The following ANOS1 variants were observed in gnomAD, a reference collection of about 807,000 sequenced individuals.
ANOS1 encodes anosmin-1.
Under a neutral mutation model 59.0 loss-of-function variants are expected in ANOS1, and 6 were observed. The ratio of observed to expected loss-of-function variants is 0.10; its 90% CI spans 0.06 to 0.20. The LOEUF (loss-of-function observed/expected upper bound fraction) is 0.20. Ranked by LOEUF, ANOS1 falls within the 10% of genes least tolerant of loss-of-function variation. The probability of loss-of-function intolerance (pLI) is 1.00; values close to 1 mark genes in which losing one functional copy is unlikely to be tolerated. For synonymous variants in ANOS1, 217 were observed against 223.4 expected (o/e 0.97, Z 0.25); for missense variants, 433 against 542.3 (o/e 0.80, Z 2.00).
At chrX:8,668,430 T>TATATACAC (rs1394731479) in intron 2 of ANOS1, among the ~76,000 whole-genome samples, 38 of 80,232 alleles carry the variant, frequency 4.7e-4, no homozygotes, top group African/African-American at 9.4e-4. Context: ...TATATATATA[T>TATATACAC]ACACACACAT....
At position 8,554,085 on chromosome X, in the gene ANOS1, C is replaced by T. The variant is rs1929901549; in HGVS notation, c.1221G>A (p.Val407=). The stretch of plus-strand genomic sequence containing the variant: ...TTTGAATTCCACCTTTTCTAGTTTT[C>T]ACAAGCTGTTCTTCTACAACAAAGT... ...THATNNKEQL[V]KTRKGGIQTQ... is the part of the protein sequence containing the mutation. The change falls in exon 9 of 14, where the codon GTG becomes GTA. Residue 407 remains valine (V), a synonymous_variant. Transcript: ENST00000262648. 2 of 1,202,776 alleles carry T rather than the reference C, an allele frequency of 1.7e-6. No individual in the cohort carries two copies. Among genetic ancestry groups the T allele is most frequent in the Non-Finnish European group, 2.3e-6 (2 of 887,474 alleles).
intron 2 of ANOS1, among the ~76,000 whole-genome samples, chrX:8,686,817 G>T (rs1183349170): frequency 1.8e-5 from 2 of 111,630 alleles, no homozygotes; most frequent in Non-Finnish European, 3.8e-5. Context: ...AGCCGGGTGT[G>T]GTGGCAAGCA....
At chrX:8,711,558 C>G (rs767758186) in intron 1 of ANOS1, among the ~76,000 whole-genome samples, 11 of 112,548 alleles carry the variant, frequency 9.8e-5, no homozygotes, top group Admixed American at 1.9e-4. Context: ...TGAAAACCAC[C>G]TGTGACCATC....
chrX:8,610,509 T>C (rs1318800884), intron 3 of ANOS1, among the ~76,000 whole-genome samples: 1 of 111,970 alleles, frequency 8.9e-6, no homozygotes, highest in African/African-American at 3.2e-5. Context: ...TAAAGCAGGA[T>C]GAAACTGCAT....
chrX:8,600,535 T>C, intron 3 of ANOS1, among the ~76,000 whole-genome samples: 1 of 112,149 alleles, frequency 8.9e-6, no homozygotes, highest in East Asian at 2.8e-4. Flanking sequence ...AGGTAAAACT[T>C]AGAAGGGCCA....
At chrX:8,538,131 C>T (rs770964566) in intron 10 of ANOS1, among the ~76,000 whole-genome samples, 149 of 111,099 alleles carry the variant, frequency 1.3e-3, no homozygotes, top group African/African-American at 4.7e-3. Flanking sequence ...CCAACCCAAG[C>T]CCAACCCAAG....
chrX:8,564,903 C>T, intron 8 of ANOS1, among the ~76,000 whole-genome samples: 1 of 111,296 alleles, frequency 9.0e-6, no homozygotes, highest in Non-Finnish European at 1.9e-5. Flanking sequence ...CAATGTGGCT[C>T]AAAGGAGAGA....
At chrX:8,662,365 C>T (rs1475280088) in intron 2 of ANOS1, among the ~76,000 whole-genome samples, 2 of 111,799 alleles carry the variant, frequency 1.8e-5, no homozygotes, top group East Asian at 2.8e-4. Context: ...CATTTTTCAC[C>T]GGGTTCTGCG....
At chrX:8,678,792 A>T (rs968722175) in intron 2 of ANOS1, among the ~76,000 whole-genome samples, 3 of 112,272 alleles carry the variant, frequency 2.7e-5, no homozygotes, top group Middle Eastern at 4.2e-3. Flanking sequence ...TCAAAGGCAC[A>T]GAAAAGAATA....
chrX:8,594,876 TTCTC>T (rs1170782086), intron 4 of ANOS1, among the ~76,000 whole-genome samples: 1 of 104,059 alleles, frequency 9.6e-6, no homozygotes, highest in South Asian at 4.4e-4. Flanking sequence ...TTCCCATTGA[TTCTC>T]TCTCTCTCCA....
In ANOS1 at chrX:8,671,228, A is replaced by G. The variant is rs200469382; in HGVS notation, c.255+28470T>C. Among the ~76,000 whole-genome samples, 3 of 111,601 alleles carry G rather than the reference A, an allele frequency of 2.7e-5. No homozygotes were observed. The East Asian group carries it at 8.5e-4, about 32-fold the overall frequency. ...TCCTGTCATGATACAGCAGCTTCTTAAACTTCTCTATAGGTACCAAATAAT... is the reference window on the plus strand; with the variant it reads ...TCCTGTCATGATACAGCAGCTTCTTGAACTTCTCTATAGGTACCAAATAAT... On this transcript the variant is annotated intron_variant, in intron 2 of 13. Coordinates refer to ENST00000262648, the MANE Select transcript of ANOS1 (RefSeq NM_000216.4).
Position 8,610,006 on chromosome X carries a change from C to CAAAAAAAAA in ANOS1, c.319-12759_319-12751dup, listed in dbSNP as rs1167209336. Reference sequence around the variant, plus strand: ...TGGGCGACAGAGCAAGACTCCATCTCAAAAAAAAAAAAAAAAAAAAAAAAA... The same window carrying CAAAAAAAAA: ...TGGGCGACAGAGCAAGACTCCATCTCAAAAAAAAAAAAAAAAAAAAAAAAAAAAAAAAAA... On this transcript the variant is annotated intron_variant, in intron 3 of 13. Coordinates refer to ENST00000262648, the MANE Select transcript of ANOS1 (RefSeq NM_000216.4). Among the ~76,000 whole-genome samples the CAAAAAAAAA allele has an allele frequency of 1.6e-3, 15 of 9,157 alleles. 2 individuals carry two copies. Among genetic ancestry groups the CAAAAAAAAA allele is most frequent in the African/African-American group, 3.1e-3 (14 of 4,503 alleles). 8.0% of individuals were successfully genotyped at this position (9,157 alleles called of 115,157 possible).
At chrX:8,671,487 C>T (rs1932253260) in intron 2 of ANOS1, among the ~76,000 whole-genome samples, 1 of 110,636 alleles carries the variant, frequency 9.0e-6, no homozygotes, top group African/African-American at 3.3e-5. Flanking sequence ...TCCATGAAGG[C>T]ACGGTCTATA....
At chrX:8,645,265 G>A (rs1005325202) in intron 2 of ANOS1, among the ~76,000 whole-genome samples, 4 of 112,351 alleles carry the variant, frequency 3.6e-5, no homozygotes, top group African/African-American at 1.3e-4. Flanking sequence ...GGGAGTCCAG[G>A]CATCCTGTTG....
intron 4 of ANOS1, 39 bp downstream of exon 4, chrX:8,596,995 C>A: frequency 8.3e-7 from 1 of 1,209,906 alleles, no homozygotes; most frequent in Non-Finnish European, 1.1e-6. Flanking sequence ...ATATATGTGA[C>A]ACTGCATGTG....
chrX:8,623,556 A>C (rs374267965), intron 3 of ANOS1, 52 bp downstream of exon 3: 66 of 918,522 alleles, frequency 7.2e-5, no homozygotes, highest in Non-Finnish European at 9.8e-5. Flanking sequence ...ACCCCACGTA[A>C]GCATAGTCAG....
At chrX:8,658,907 G>A (rs979494786) in intron 2 of ANOS1, among the ~76,000 whole-genome samples, 2 of 111,163 alleles carry the variant, frequency 1.8e-5, no homozygotes, top group Non-Finnish European at 3.8e-5. Flanking sequence ...GGGCAACATA[G>A]AAAGACTTTG....
chrX:8,675,180 A>G (rs1932317130), intron 2 of ANOS1, among the ~76,000 whole-genome samples: 1 of 111,769 alleles, frequency 8.9e-6, no homozygotes, highest in African/African-American at 3.3e-5. Context: ...TGAATTTGGC[A>G]CCTCTCAACT....
chrX:8,684,806 G>A (rs1228534439), intron 2 of ANOS1, among the ~76,000 whole-genome samples: 1 of 110,775 alleles, frequency 9.0e-6, no homozygotes, highest in African/African-American at 3.3e-5. Context: ...CAACCATTCA[G>A]CTGTGAGAAC....
Sources: allele counts gnomAD v4.1 joint callset (sites outside exome capture counted in the v4.1 genomes callset), GRCh38; gene constraint gnomAD v4.1.1; transcripts MANE v1.5; gene names NCBI Gene and HGNC (gene_info 2026-07-23, HGNC 2026-07-21).